The following PPM1E variants were observed in gnomAD, a reference collection of about 807,000 sequenced individuals.
The protein encoded by PPM1E is protein phosphatase, Mg2+/Mn2+ dependent 1E.
PPM1E carries 20 observed loss-of-function variants against 65.9 expected under a neutral mutation model. That is an observed-to-expected ratio of 0.30 (90% CI 0.21 to 0.44). The LOEUF is 0.44. Ranked by LOEUF, PPM1E falls within the 20% of genes least tolerant of loss-of-function variation. PPM1E has a pLI of 1.00. For missense variants in PPM1E, 713 were observed against 953.1 expected, an observed-to-expected ratio of 0.75 and a Z score of 3.32; for synonymous variants, 352 against 374.9, an observed-to-expected ratio of 0.94 and a Z score of 0.70.
chr17:58,954,014 G>T (rs959477079), intron 1 of PPM1E, among the ~76,000 whole-genome samples: 1 of 152,198 alleles, frequency 6.6e-6, no homozygotes, highest in Admixed American at 6.5e-5. Flanking sequence ...AAAGTGTTGG[G>T]ATTGCAGGCA....
At chr17:58,933,854 TG>T (rs1354882350) in intron 1 of PPM1E, among the ~76,000 whole-genome samples, 3 of 150,080 alleles carry the variant, frequency 2.0e-5, no homozygotes, top group African/African-American at 7.4e-5. Context: ...CCCAATGCTT[TG>T]GGAGGCCAAG....
At chr17:58,785,788 C>T (rs1224288770) in intron 1 of PPM1E, among the ~76,000 whole-genome samples, 1 of 151,898 alleles carries the variant, frequency 6.6e-6, no homozygotes, top group African/African-American at 2.4e-5. Flanking sequence ...CGTTTCAGTT[C>T]ATGTTTTCCA....
intron 1 of PPM1E, among the ~76,000 whole-genome samples, chr17:58,953,797 G>C (rs1456889060): frequency 7.1e-6 from 1 of 140,348 alleles, no homozygotes; most frequent in Non-Finnish European, 1.5e-5. Flanking sequence ...GCCCAGGCTA[G>C]AGTGCAATGG....
intron 1 of PPM1E, among the ~76,000 whole-genome samples, chr17:58,795,171 C>T (rs2050194459): frequency 6.6e-6 from 1 of 152,116 alleles, no homozygotes; most frequent in African/African-American, 2.4e-5. Flanking sequence ...AGATTACAGG[C>T]ATGATCCACC....
chr17:58,971,077 C>T (rs929070341), intron 4 of PPM1E, among the ~76,000 whole-genome samples: 20 of 152,000 alleles, frequency 1.3e-4, no homozygotes, highest in African/African-American at 4.1e-4. Context: ...TTTGTCTCAG[C>T]GCCCCTTTTC....
At chr17:58,873,675 C>G (rs2051097768) in intron 1 of PPM1E, among the ~76,000 whole-genome samples, 1 of 151,144 alleles carries the variant, frequency 6.6e-6, no homozygotes, top group Non-Finnish European at 1.5e-5. Context: ...CTCACTGCAG[C>G]CTTGATCTCC....
At chr17:58,904,089 C>T (rs1289678132) in intron 1 of PPM1E, among the ~76,000 whole-genome samples, 1 of 151,966 alleles carries the variant, frequency 6.6e-6, no homozygotes, top group Non-Finnish European at 1.5e-5. Flanking sequence ...AATACATGTC[C>T]ACTACCCTCT....
rs1450962424 is a variant in PPM1E at position 58,966,989 on chromosome 17, A to G, written c.783+1096A>G. Among the ~76,000 whole-genome samples, 5 of 152,140 alleles carry G rather than the reference A, an allele frequency of 3.3e-5. No individual in the cohort carries two copies. The South Asian group carries it at 6.2e-4, about 19-fold the overall frequency. ...ACCCAGAAGGATTGTGTGATAAACAATCCTTATATCACTATACCTACTTGA... is the reference window on the plus strand; with the variant it reads ...ACCCAGAAGGATTGTGTGATAAACAGTCCTTATATCACTATACCTACTTGA... On this transcript the variant is annotated intron_variant, in intron 3 of 6. Coordinates refer to ENST00000308249, the MANE Select transcript of PPM1E (RefSeq NM_014906.5).
At chr17:58,855,361 G>T (rs2050871071) in intron 1 of PPM1E, among the ~76,000 whole-genome samples, 1 of 152,070 alleles carries the variant, frequency 6.6e-6, no homozygotes, top group African/African-American at 2.4e-5. Context: ...TAAGGAGTGG[G>T]GTAGACTGAG....
intron 1 of PPM1E, among the ~76,000 whole-genome samples, chr17:58,945,093 A>G (rs1193448570): frequency 1.3e-5 from 2 of 151,464 alleles, no homozygotes; most frequent in African/African-American, 4.9e-5. Flanking sequence ...CTAATGACTA[A>G]TGATGTTAAA....
intron 1 of PPM1E, among the ~76,000 whole-genome samples, chr17:58,948,243 G>A (rs921815098): frequency 7.9e-5 from 12 of 152,182 alleles, no homozygotes; most frequent in African/African-American, 2.9e-4. Flanking sequence ...TAGCATGCGG[G>A]ACCAGGAATG....
chr17:58,833,286 C>T (rs965478543), intron 1 of PPM1E, among the ~76,000 whole-genome samples: 6 of 150,366 alleles, frequency 4.0e-5, no homozygotes, highest in Non-Finnish European at 8.9e-5. Flanking sequence ...ATCTGTTTTC[C>T]ATTACCATAC....
chr17:58,903,730 A>G (rs1440599773), intron 1 of PPM1E, among the ~76,000 whole-genome samples: 1 of 152,224 alleles, frequency 6.6e-6, no homozygotes, highest in African/African-American at 2.4e-5. Flanking sequence ...CTAGAAAATT[A>G]TAGATTAATC....
rs375882374 is a variant in PPM1E, at chr17:58,935,004, G to A, written c.465-20645G>A. ...GCGGTGGCTCACGCCTGTAATCCCA[G>A]CACTTTGGGAGGCTGAGACGGGCAG... On this transcript the variant is annotated intron_variant, in intron 1 of 6. Coordinates refer to ENST00000308249, the MANE Select transcript of PPM1E (RefSeq NM_014906.5). 2.0e-5 allele frequency among the ~76,000 whole-genome samples: 3 copies of A among 151,690 alleles called. No individual in the cohort carries two copies. In the East Asian group the frequency reaches 5.8e-4, roughly 29 times the overall value.
chr17:58,865,716 A>C (rs2050995371), intron 1 of PPM1E, among the ~76,000 whole-genome samples: 1 of 152,176 alleles, frequency 6.6e-6, no homozygotes, highest in Non-Finnish European at 1.5e-5. Context: ...ACAAACAAAC[A>C]AACAAAAGTT....
At chr17:58,810,730 A>G (rs2050358375) in intron 1 of PPM1E, among the ~76,000 whole-genome samples, 1 of 152,166 alleles carries the variant, frequency 6.6e-6, no homozygotes, top group Admixed American at 6.5e-5. Context: ...TTTCTTCTGC[A>G]TCTAATAGTT....
In PPM1E at chr17:58,807,558, T is replaced by C. The variant is rs535556633; in HGVS notation, c.464+51097T>C. Among the ~76,000 whole-genome samples the C allele has an allele frequency of 3.9e-5, 6 of 152,268 alleles. No individual in the cohort carries two copies. The South Asian group carries it at 1.0e-3, about 26-fold the overall frequency. On this transcript the variant is annotated intron_variant, in intron 1 of 6. Transcript: ENST00000308249. ...ACTAAACACCATTGAATTATATACT[T>C]TAAAAAAGTAAGCTGTGTAGTATAT... is the stretch of plus-strand genomic sequence containing the variant.
At chr17:58,792,287 T>C (rs569751394) in intron 1 of PPM1E, among the ~76,000 whole-genome samples, 1 of 148,592 alleles carries the variant, frequency 6.7e-6, no homozygotes, top group East Asian at 1.9e-4. Flanking sequence ...TATGATATTA[T>C]ATAGTAATAT....
intron 1 of PPM1E, among the ~76,000 whole-genome samples, chr17:58,821,922 G>T (rs920343326): frequency 2.6e-5 from 4 of 152,268 alleles, no homozygotes; most frequent in Admixed American, 1.3e-4. Flanking sequence ...GTATAAACTA[G>T]TTTAGTCAAC....
Sources: gnomAD v4.1 joint callset for allele counts (sites outside exome capture counted in the v4.1 genomes callset) on GRCh38, gnomAD v4.1.1 for gene constraint, MANE v1.5 for transcripts, NCBI Gene and HGNC (gene_info 2026-07-23, HGNC 2026-07-21) for gene names.